ZNF385C: variants seen among roughly 807,000 people sequenced by gnomAD.
ZNF385C encodes CTD-2132N18.2.
Under a neutral mutation model 35.4 loss-of-function variants are expected in ZNF385C, and 28 were observed. The ratio of observed to expected loss-of-function variants is 0.79; its 90% CI spans 0.59 to 1.08. The LOEUF is 1.08. Among genes scored for constraint, ZNF385C ranks in the 50% least tolerant of loss-of-function variants. The probability of loss-of-function intolerance (pLI) is 0.00; values close to 1 mark genes in which losing one functional copy is unlikely to be tolerated. For missense variants in ZNF385C, 605 were observed against 595.6 expected, an observed-to-expected ratio of 1.02 and a Z score of -0.16; for synonymous variants, 248 against 248.2, an observed-to-expected ratio of 1.00 and a Z score of 0.01.
intron 1 of ZNF385C, among the ~76,000 whole-genome samples, chr17:42,067,980 AC>A (rs1408074692): frequency 3.3e-5 from 5 of 152,068 alleles, no homozygotes; most frequent in African/African-American, 1.2e-4. Flanking sequence ...AGCTGATTAA[AC>A]CTCTGTGATA....
intron 2 of ZNF385C, chr17:42,040,988 C>T (rs1432564283): frequency 1.6e-6 from 2 of 1,232,296 alleles, no homozygotes; most frequent in East Asian, 3.2e-5. Context: ...AGCTGGCCAG[C>T]AGTGGCCTCG....
chr17:42,043,352 C>A, intron 2 of ZNF385C: 1 of 1,232,260 alleles, frequency 8.1e-7, no homozygotes, highest in Non-Finnish European at 1.0e-6. Flanking sequence ...GCCTCTCCCG[C>A]TGGTTTCTTC....
intron 1 of ZNF385C, among the ~76,000 whole-genome samples, chr17:42,080,518 T>A (rs1401928887): frequency 6.6e-6 from 1 of 152,136 alleles, no homozygotes; most frequent in Non-Finnish European, 1.5e-5. Flanking sequence ...CTCACAAGGA[T>A]GGAGGCAGAT....
chr17:42,071,575 G>C (rs781783145), intron 1 of ZNF385C, among the ~76,000 whole-genome samples: 15 of 152,150 alleles, frequency 9.9e-5, no homozygotes, highest in Non-Finnish European at 1.2e-4. Context: ...AGGGTCCATA[G>C]TGGCAACACA....
At chr17:42,064,030 C>T (rs982247687) in intron 1 of ZNF385C, among the ~76,000 whole-genome samples, 2 of 151,414 alleles carry the variant, frequency 1.3e-5, no homozygotes, top group African/African-American at 2.4e-5. Context: ...CTGAAGACAG[C>T]GCCCCTGCCC....
rs781966446 is a variant in ZNF385C, at chr17:42,027,137, C to T, written c.1276-4G>A. ...GCTTCTGCAAGGCCAGTTTAGACTA[C>T]ACGGAAAAGAAAGGAATGGACACAG... On this transcript the variant is annotated splice_region_variant and splice_polypyrimidine_tract_variant and intron_variant, in intron 8 of 8. Transcript: ENST00000692273. 1 of 1,613,044 alleles carries T rather than the reference C, an allele frequency of 6.2e-7. No homozygotes were observed. The highest frequency in any genetic ancestry group is 1.1e-5 in the South Asian group (1 of 91,034).
intron 3 of ZNF385C, among the ~76,000 whole-genome samples, chr17:42,035,009 G>T (rs1417723714): frequency 6.7e-6 from 1 of 149,350 alleles, no homozygotes; most frequent in African/African-American, 2.5e-5. Flanking sequence ...TGTAGTCTCA[G>T]CTACTCAGGA....
At chr17:42,027,166 C>T (rs565835187) in intron 8 of ZNF385C, 33 bp from the exon 9 acceptor site, 3 of 1,599,770 alleles carry the variant, frequency 1.9e-6, no homozygotes, top group South Asian at 1.1e-5. Context: ...GACACAGTCT[C>T]CACCCCAGAA....
intron 6 of ZNF385C, 53 bp from the exon 7 acceptor site, chr17:42,028,299 A>C: frequency 6.7e-7 from 1 of 1,486,046 alleles, no homozygotes. Context: ...TGCAGGGGCC[A>C]CAGAGACCCC....
At chr17:42,043,648 CCA>C in intron 2 of ZNF385C, 2 of 300,494 alleles carry the variant, frequency 6.7e-6, no homozygotes, top group Non-Finnish European at 1.2e-5. Context: ...TTCATGCTGC[CCA>C]CAGAGTCCTC....
intron 8 of ZNF385C, 88 bp from the exon 9 acceptor site, chr17:42,027,221 AG>A: frequency 8.1e-7 from 1 of 1,227,688 alleles, no homozygotes; most frequent in Non-Finnish European, 1.2e-6. Context: ...TTTTTGCTGC[AG>A]GGAAAGCGTG....
rs1307057930 is a variant in ZNF385C, at chr17:42,095,395, G to C, written c.-3+3015C>G. On this transcript the variant is annotated intron_variant, in intron 1 of 8. Coordinates refer to ENST00000692273, the MANE Select transcript of ZNF385C (RefSeq NM_001392013.1). This position sits in a 1 kb window ranked among gnomAD's most constrained non-coding sequence, Gnocchi z 4.4. The stretch of plus-strand genomic sequence containing the variant: ...GGGAGAACCCACATGATAGACACAT[G>C]GGCCCTCCCGGGTGGCAGGCGCAGC... 6.6e-6 allele frequency among the ~76,000 whole-genome samples: 1 copy of C among 152,122 alleles called. No individual in the cohort carries two copies. Among genetic ancestry groups the C allele is most frequent in the Non-Finnish European group, 1.5e-5 (1 of 68,034 alleles).
Position 42,096,541 on chromosome 17 carries a change from G to C in ZNF385C, c.-3+1869C>G, listed in dbSNP as rs540443664. On this transcript the variant is annotated intron_variant, in intron 1 of 8. Coordinates refer to ENST00000692273, the MANE Select transcript of ZNF385C (RefSeq NM_001392013.1). Reference sequence around the variant, plus strand: ...CCTTCCCTGGCAGCCTAGAGATCAGGCCAGGGCCTGAAGCTGTCCTTTCAC... The same window carrying C: ...CCTTCCCTGGCAGCCTAGAGATCAGCCCAGGGCCTGAAGCTGTCCTTTCAC... Among the ~76,000 whole-genome samples the C allele has an allele frequency of 2.0e-5, 3 of 152,330 alleles. No homozygotes were observed. In the South Asian group the frequency reaches 6.2e-4, roughly 32 times the overall value.
intron 8 of ZNF385C, 130 bp from the exon 9 acceptor site, chr17:42,027,263 C>G: frequency 2.5e-6 from 2 of 786,934 alleles, no homozygotes; most frequent in Non-Finnish European, 4.2e-6. Flanking sequence ...AAATCCTCCT[C>G]CCTTCCCACC....
chr17:42,026,521 G>A lies in ZNF385C; in HGVS notation c.*376C>T. ...GAAGCCCCAAAGCCTAGGAATAGAG[G>A]TCAGAGAGTCGTCCCCTGGCTAGGA... On this transcript the variant is annotated 3_prime_UTR_variant, in exon 9 of 9. Transcript: ENST00000692273. 2 of 289,780 alleles carry A rather than the reference G, an allele frequency of 6.9e-6. No individual in the cohort carries two copies. The highest frequency in any genetic ancestry group is 9.8e-5 in the Admixed American group (2 of 20,376). 18.0% of individuals were successfully genotyped at this position (289,780 alleles called of 1,614,324 possible).
rs116191006 is a variant in ZNF385C, at chr17:42,096,219, G to A, written c.-3+2191C>T. 4.3e-3 allele frequency among the ~76,000 whole-genome samples: 661 copies of A among 152,270 alleles called. 4 individuals carry two copies. Among genetic ancestry groups the A allele is most frequent in the African/African-American group, 0.015 (637 of 41,544 alleles). ...GCAAATAGCTGTCCCTTCACTGTCC[G>A]TAGGGGTGCACACACTATTGGCATA... is the stretch of plus-strand genomic sequence containing the variant. On this transcript the variant is annotated intron_variant, in intron 1 of 8. Coordinates refer to ENST00000692273, the MANE Select transcript of ZNF385C (RefSeq NM_001392013.1).
intron 2 of ZNF385C, among the ~76,000 whole-genome samples, chr17:42,042,350 C>T (rs1033611276): frequency 6.6e-5 from 10 of 152,098 alleles, no homozygotes; most frequent in Non-Finnish European, 1.0e-4. Flanking sequence ...GGTGATACCC[C>T]GTCTCTACTA....
intron 1 of ZNF385C, among the ~76,000 whole-genome samples, chr17:42,098,208 G>T (rs1421291710): frequency 6.6e-6 from 1 of 152,236 alleles, no homozygotes; most frequent in South Asian, 2.1e-4. Flanking sequence ...AACCAGCCAG[G>T]ACCCTCTAAC....
At position 42,031,973 on chromosome 17, in the gene ZNF385C, G is replaced by A. The variant is rs1256941867; in HGVS notation, c.511-189C>T. Among the ~76,000 whole-genome samples, 10 of 152,158 alleles carry A rather than the reference G, an allele frequency of 6.6e-5. No individual in the cohort carries two copies. In the East Asian group the frequency reaches 7.7e-4, roughly 12 times the overall value. On this transcript the variant is annotated intron_variant, in intron 4 of 8. Transcript: ENST00000692273. ...TCTGAGGTTTGCAGAATGTGTTCTC[G>A]CACATGAACTCCAAGGCAGGCTGCC...
Sources: gnomAD v4.1 joint callset for allele counts (sites outside exome capture counted in the v4.1 genomes callset) on GRCh38, gnomAD v4.1.1 for gene constraint, Gnocchi (gnomAD v3.1) non-coding constraint, MANE v1.5 for transcripts, NCBI Gene and HGNC (gene_info 2026-07-23, HGNC 2026-07-21) for gene names.